DPYD: variants seen among roughly 807,000 people sequenced by gnomAD.
DPYD encodes the protein dihydropyrimidine dehydrogenase [NADP(+)].
In DPYD, 109 loss-of-function variants were observed where a neutral mutation model predicts 116.2. That is an observed-to-expected ratio of 0.94 (90% CI 0.80 to 1.10). DPYD has a LOEUF of 1.10. Among genes scored for constraint, DPYD ranks in the 50% least tolerant of loss-of-function variants. DPYD has a pLI of 0.00. For synonymous variants in DPYD, 440 were observed against 432.0 expected, an observed-to-expected ratio of 1.02 and a Z score of -0.23; for missense variants, 1,302 against 1,254.5, an observed-to-expected ratio of 1.04 and a Z score of -0.57.
chr1:97,884,355 T>C (rs950369715), intron 1 of DPYD, among the ~76,000 whole-genome samples: 1 of 152,014 alleles, frequency 6.6e-6, no homozygotes, highest in Non-Finnish European at 1.5e-5. Context: ...CTTTCAATAA[T>C]GATTATGTGT....
At chr1:97,329,738 G>GT (rs1006234010) in intron 16 of DPYD, among the ~76,000 whole-genome samples, 1 of 142,404 alleles carries the variant, frequency 7.0e-6, no homozygotes, top group Non-Finnish European at 1.5e-5. Flanking sequence ...GGGCGACAGA[G>GT]TGAAACTCCA....
chr1:97,423,787 G>A (rs1420940257), intron 14 of DPYD, among the ~76,000 whole-genome samples: 1 of 152,104 alleles, frequency 6.6e-6, no homozygotes, highest in Non-Finnish European at 1.5e-5. Context: ...CCAGCTTAAT[G>A]TACCCTTTAC....
chr1:97,273,100 T>C (rs1664705426), intron 18 of DPYD, among the ~76,000 whole-genome samples: 1 of 152,166 alleles, frequency 6.6e-6, no homozygotes, highest in African/African-American at 2.4e-5. Context: ...TTTCCTTTCA[T>C]TAAATGCCAA....
chr1:97,696,109 G>A (rs1661288042), intron 6 of DPYD, among the ~76,000 whole-genome samples: 1 of 147,712 alleles, frequency 6.8e-6, no homozygotes, highest in South Asian at 2.1e-4. Context: ...CAGACTTGGT[G>A]ACAGAGCCAG....
chr1:97,299,736 C>A (rs1338724832), intron 18 of DPYD, among the ~76,000 whole-genome samples: 4 of 152,072 alleles, frequency 2.6e-5, no homozygotes, highest in Non-Finnish European at 4.4e-5. Context: ...TTGGCATTTT[C>A]CTTCTGTCTG....
chr1:97,756,283 C>A (rs1373803748), intron 3 of DPYD, among the ~76,000 whole-genome samples: 1 of 152,076 alleles, frequency 6.6e-6, no homozygotes, highest in African/African-American at 2.4e-5. Flanking sequence ...TCCATAGATA[C>A]CCCATTTGCA....
rs182958709 is a variant in DPYD, at chr1:97,845,954, C to T, written c.151-17758G>A. On this transcript the variant is annotated intron_variant, in intron 2 of 22. Transcript: ENST00000370192. Reference sequence around the variant, plus strand: ...GTGCCTGGAGCTGCCCACCCTGCTGCAGCAGCAAGCATCCCTGGCTGTGTG... The same window carrying T: ...GTGCCTGGAGCTGCCCACCCTGCTGTAGCAGCAAGCATCCCTGGCTGTGTG... 1.5e-3 allele frequency among the ~76,000 whole-genome samples: 228 copies of T among 152,362 alleles called. 1 individual carries two copies. The highest frequency in any genetic ancestry group is 5.1e-3 in the African/African-American group (214 of 41,588).
At chr1:97,315,997 A>G (rs1169814503) in intron 16 of DPYD, among the ~76,000 whole-genome samples, 1 of 152,024 alleles carries the variant, frequency 6.6e-6, no homozygotes, top group Non-Finnish European at 1.5e-5. Context: ...TTGATTCAGA[A>G]CTTGCTCAAA....
intron 1 of DPYD, among the ~76,000 whole-genome samples, chr1:97,899,490 T>C (rs1673254605): frequency 6.6e-6 from 1 of 151,896 alleles, no homozygotes; most frequent in East Asian, 1.9e-4. Context: ...TAACCATGAA[T>C]ACAACAACTT....
chr1:97,147,048 A>G (rs1654683909), intron 20 of DPYD, among the ~76,000 whole-genome samples: 1 of 152,152 alleles, frequency 6.6e-6, no homozygotes, highest in Non-Finnish European at 1.5e-5. Context: ...GGAAGTAACA[A>G]AAGTAAGACT....
chr1:97,779,388 A>C (rs1271429505), intron 3 of DPYD, among the ~76,000 whole-genome samples: 1 of 152,058 alleles, frequency 6.6e-6, no homozygotes, highest in African/African-American at 2.4e-5. Context: ...ATAAAGACTA[A>C]AATTGAAAAA....
chr1:97,863,066 G>T (rs957746520), intron 2 of DPYD, among the ~76,000 whole-genome samples: 10 of 151,776 alleles, frequency 6.6e-5, no homozygotes, highest in African/African-American at 2.4e-4. Flanking sequence ...TACTCAAGAA[G>T]TTATGACTGT....
At chr1:97,686,689 A>G (rs1029763596) in intron 7 of DPYD, among the ~76,000 whole-genome samples, 1 of 150,586 alleles carries the variant, frequency 6.6e-6, no homozygotes, top group Non-Finnish European at 1.5e-5. Context: ...ACCCAAAACT[A>G]TAAAACTCTA....
chr1:97,804,452 C>CTA (rs1011251269), intron 3 of DPYD, among the ~76,000 whole-genome samples: 45 of 151,814 alleles, frequency 3.0e-4, no homozygotes, highest in Middle Eastern at 3.5e-3. Context: ...TGTTAAGATG[C>CTA]TATACAATTT....
chr1:97,354,229 C>A (rs77807619), intron 16 of DPYD, among the ~76,000 whole-genome samples: 1 of 152,126 alleles, frequency 6.6e-6, no homozygotes, highest in South Asian at 2.1e-4. Flanking sequence ...ATAGAGACAG[C>A]TGAAAAGTGC....
intron 19 of DPYD, among the ~76,000 whole-genome samples, chr1:97,209,639 T>C (rs57108458): frequency 0.036 from 5,476 of 152,244 alleles, 301 homozygotes; most frequent in African/African-American, 0.12. Flanking sequence ...ACATCTGGTG[T>C]CATCCAGAGT....
At chr1:97,215,829 A>G (rs1660344936) in intron 19 of DPYD, among the ~76,000 whole-genome samples, 2 of 152,176 alleles carry the variant, frequency 1.3e-5, no homozygotes, top group Admixed American at 1.3e-4. Context: ...TGTGACTGAA[A>G]GTGACCTAAG....
chr1:97,741,995 A>T (rs1557925301), intron 3 of DPYD, among the ~76,000 whole-genome samples: 1 of 152,124 alleles, frequency 6.6e-6, no homozygotes, highest in South Asian at 2.1e-4. Flanking sequence ...AAGAGTATGC[A>T]CCAGTGCCTG....
At chr1:97,421,570 T>A (rs1674585443) in intron 14 of DPYD, among the ~76,000 whole-genome samples, 1 of 152,168 alleles carries the variant, frequency 6.6e-6, no homozygotes, top group African/African-American at 2.4e-5. Flanking sequence ...AGAGTGCCTA[T>A]CCCATAACAG....
Sources: gnomAD v4.1 joint callset for allele counts (sites outside exome capture counted in the v4.1 genomes callset) on GRCh38, gnomAD v4.1.1 for gene constraint, MANE v1.5 for transcripts, NCBI Gene and HGNC (gene_info 2026-07-23, HGNC 2026-07-21) for gene names.